Variants in SRGAP2 observed in about 807,000 individuals in gnomAD.
SRGAP2 encodes the protein SLIT-ROBO Rho GTPase-activating protein 2.
Under a neutral mutation model 57.2 loss-of-function variants are expected in SRGAP2, and 15 were observed. The ratio of observed to expected loss-of-function variants is 0.26; its 90% CI spans 0.18 to 0.40. SRGAP2 has a LOEUF of 0.40. Ranked by LOEUF, SRGAP2 falls within the 10% of genes least tolerant of loss-of-function variation. The probability of loss-of-function intolerance (pLI) is 1.00; values close to 1 mark genes in which losing one functional copy is unlikely to be tolerated. For missense variants in SRGAP2, 520 were observed against 669.6 expected (o/e 0.78, Z 2.47); for synonymous variants, 249 against 248.0 (o/e 1.00, Z -0.04).
In SRGAP2 at chr1:206,323,244, G is replaced by A. The variant is rs1347549712; in HGVS notation, c.261-19602G>A. Among the ~76,000 whole-genome samples, 18 of 151,810 alleles carry A rather than the reference G, an allele frequency of 1.2e-4. 1 individual carries two copies. Among genetic ancestry groups the A allele is most frequent in the African/African-American group, 4.4e-4 (18 of 41,360 alleles). On this transcript the variant is annotated intron_variant, in intron 3 of 22. Transcript: ENST00000573034. ...GTTTATTTATTTGTTTGTATTTAATGTTTTCCTCTCCGGAATGGGGTCTTG... is the reference window on the plus strand; with the variant it reads ...GTTTATTTATTTGTTTGTATTTAATATTTTCCTCTCCGGAATGGGGTCTTG...
chr1:206,272,447 C>T (rs1261451976), intron 2 of SRGAP2, among the ~76,000 whole-genome samples: 2 of 151,608 alleles, frequency 1.3e-5, no homozygotes, highest in Non-Finnish European at 2.9e-5. Context: ...AGTCTCGCTC[C>T]GTCACCCAGG....
intron 22 of SRGAP2, among the ~76,000 whole-genome samples, chr1:206,459,404 A>G (rs1188050682): frequency 2.0e-5 from 3 of 152,184 alleles, no homozygotes; most frequent in Non-Finnish European, 2.9e-5. Flanking sequence ...TAGATGATCA[A>G]TTAAGAACCT....
chr1:206,435,537 T>C (rs1661652840), intron 14 of SRGAP2, among the ~76,000 whole-genome samples: 1 of 152,184 alleles, frequency 6.6e-6, no homozygotes, highest in African/African-American at 2.4e-5. Flanking sequence ...TTTGCAGTTG[T>C]GTGTGTGGTG....
In SRGAP2 at chr1:206,461,900, TACACACACACACACACAC is replaced by T. The variant is rs3833477; in HGVS notation, c.*492_*509del. On this transcript the variant is annotated 3_prime_UTR_variant, in exon 23 of 23. Transcript: ENST00000573034. ...ACATATTTTACACACACACACATTTTACACACACACACACACACACACACACACATATGTTTTTCTAGT... is the reference window on the plus strand; with the variant it reads ...ACATATTTTACACACACACACATTTTACACACACACATATGTTTTTCTAGT... 3 of 151,538 alleles carry T rather than the reference TACACACACACACACACAC, an allele frequency of 2.0e-5. No homozygotes were observed. The highest frequency in any genetic ancestry group is 7.3e-5 in the African/African-American group (3 of 40,832). The allele number at this position is 151,538 out of a possible 1,614,324, so 9.4% of individuals were successfully genotyped here.
At position 206,387,125 on chromosome 1, in the gene SRGAP2, CAAA is replaced by C. The variant is rs782327960; in HGVS notation, c.486+3069_486+3071del. 3.0e-3 allele frequency among the ~76,000 whole-genome samples: 249 copies of C among 83,492 alleles called. 1 individual carries two copies. Among genetic ancestry groups the C allele is most frequent in the East Asian group, 0.012 (37 of 3,018 alleles). The allele number at this position is 83,492 out of a possible 152,430, so 54.8% of individuals were successfully genotyped here. The stretch of plus-strand genomic sequence containing the variant: ...TGGGGGACAGAGCAAGACTCTGTCT[CAAA>C]AAAAAAAAAAAAAAAAAAATAGCAG... On this transcript the variant is annotated intron_variant, in intron 5 of 22. Transcript: ENST00000573034.
At chr1:206,384,370 C>T (rs1485914476) in intron 5 of SRGAP2, among the ~76,000 whole-genome samples, 4 of 152,006 alleles carry the variant, frequency 2.6e-5, no homozygotes, top group African/African-American at 9.7e-5. Context: ...GCACAATGGA[C>T]CCTGTTAGCA....
intron 11 of SRGAP2, among the ~76,000 whole-genome samples, chr1:206,416,514 G>C (rs1322032922): frequency 2.0e-5 from 3 of 152,208 alleles, no homozygotes; most frequent in African/African-American, 7.2e-5. Flanking sequence ...CTCTCGTGTG[G>C]CTATGCTGAG....
At chr1:206,427,480 G>A (rs1349363350) in intron 13 of SRGAP2, among the ~76,000 whole-genome samples, 1 of 152,124 alleles carries the variant, frequency 6.6e-6, no homozygotes, top group Non-Finnish European at 1.5e-5. Context: ...CTCCAACTTG[G>A]CACATACAGT....
intron 4 of SRGAP2, among the ~76,000 whole-genome samples, chr1:206,375,446 A>G (rs1340305776): frequency 6.6e-6 from 1 of 152,168 alleles, no homozygotes; most frequent in Admixed American, 6.5e-5. Context: ...CCCCACTCAA[A>G]TCATTATCCA....
intron 6 of SRGAP2, 94 bp downstream of exon 6, chr1:206,392,998 C>T (rs1553351480): frequency 9.8e-6 from 7 of 715,734 alleles, no homozygotes; most frequent in Non-Finnish European, 1.3e-5. Flanking sequence ...GAAGAGCAGA[C>T]GAGGAAGCTC....
intron 16 of SRGAP2, among the ~76,000 whole-genome samples, chr1:206,439,199 T>C (rs1201926712): frequency 6.6e-6 from 1 of 152,030 alleles, no homozygotes; most frequent in Admixed American, 6.6e-5. Flanking sequence ...AAGGCACTCA[T>C]AGAAAATGGC....
chr1:206,366,363 G>A (rs1316917291), intron 4 of SRGAP2, among the ~76,000 whole-genome samples: 5 of 152,210 alleles, frequency 3.3e-5, no homozygotes, highest in East Asian at 1.9e-4. Flanking sequence ...CAAGGGGGGT[G>A]GAGAGAAAGG....
chr1:206,363,879 T>C (rs1487107416), intron 4 of SRGAP2, among the ~76,000 whole-genome samples: 6 of 152,236 alleles, frequency 3.9e-5, no homozygotes, highest in Non-Finnish European at 8.8e-5. Flanking sequence ...GTGTCCCCTT[T>C]GCAGTGTAAT....
At chr1:206,453,435 G>A (rs781838552) in intron 20 of SRGAP2, 55 bp downstream of exon 20, 169 of 512,390 alleles carry the variant, frequency 3.3e-4, no homozygotes, top group Admixed American at 7.5e-4. Flanking sequence ...CTATGGGAGT[G>A]AGACTTCATT....
intron 21 of SRGAP2, chr1:206,455,714 C>G (rs1161658723): frequency 1.3e-5 from 2 of 152,660 alleles, no homozygotes; most frequent in Non-Finnish European, 2.9e-5. Context: ...TATTCTACCC[C>G]CTTAGTCCCT....
intron 18 of SRGAP2, among the ~76,000 whole-genome samples, chr1:206,447,221 G>C (rs1039528039): frequency 2.0e-5 from 3 of 151,888 alleles, no homozygotes; most frequent in African/African-American, 7.3e-5. Flanking sequence ...TAGTATTTCA[G>C]CCTGAGCTGA....
intron 11 of SRGAP2, among the ~76,000 whole-genome samples, chr1:206,418,938 A>G (rs781949632): frequency 9.5e-4 from 106 of 111,652 alleles, no homozygotes; most frequent in African/African-American, 1.9e-3. Flanking sequence ...GTGTGTGTGT[A>G]TACTCAGGAG....
intron 2 of SRGAP2, among the ~76,000 whole-genome samples, chr1:206,276,808 A>G (rs1406560660): frequency 3.9e-5 from 6 of 152,124 alleles, no homozygotes; most frequent in South Asian, 2.1e-4. Flanking sequence ...TTTTGTTTTT[A>G]GGGTGGTGCC....
Position 206,351,804 on chromosome 1 carries a change from G to A in SRGAP2, c.423+8796G>A, listed in dbSNP as rs565585390. On this transcript the variant is annotated intron_variant, in intron 4 of 22. Transcript: ENST00000573034. ...TGCTCTCCCTTGAGGCTGCTCTCTG[G>A]GTGGTCCAGGCTTTTATTTAGACTT... Among the ~76,000 whole-genome samples, 6 of 152,154 alleles carry A rather than the reference G, an allele frequency of 3.9e-5. No individual in the cohort carries two copies. In the South Asian group the frequency reaches 8.3e-4, roughly 21 times the overall value.
Sources: gnomAD v4.1 joint callset for allele counts (sites outside exome capture counted in the v4.1 genomes callset) on GRCh38, gnomAD v4.1.1 for gene constraint, MANE v1.5 for transcripts, NCBI Gene and HGNC (gene_info 2026-07-23, HGNC 2026-07-21) for gene names.